The following FMNL2 variants were observed in gnomAD, a reference collection of about 807,000 sequenced individuals.
The protein encoded by FMNL2 is formin-like protein 2.
Under a neutral mutation model 130.2 loss-of-function variants are expected in FMNL2, and 51 were observed. The ratio of observed to expected loss-of-function variants is 0.39; its 90% confidence interval spans 0.31 to 0.49. The LOEUF (loss-of-function observed/expected upper bound fraction) is 0.49. Ranked by LOEUF, FMNL2 falls within the 20% of genes least tolerant of loss-of-function variation. The pLI is 0.85. For synonymous variants in FMNL2, 465 were observed against 467.1 expected (o/e 1.00, Z 0.06); for missense variants, 977 against 1,316.2 (o/e 0.74, Z 3.99).
At chr2:152,522,077 T>A (rs1196311091) in intron 2 of FMNL2, 51 bp downstream of exon 2, 1 of 1,456,222 alleles carries the variant, frequency 6.9e-7, no homozygotes, top group Non-Finnish European at 9.5e-7. Flanking sequence ...AAAGAAGAGA[T>A]CCAGTGTGAA....
intron 1 of FMNL2, among the ~76,000 whole-genome samples, chr2:152,498,740 C>G (rs968570641): frequency 2.6e-5 from 4 of 152,150 alleles, no homozygotes; most frequent in Non-Finnish European, 5.9e-5. Flanking sequence ...CTACCACCAC[C>G]CTTTTTCTTT....
intron 1 of FMNL2, among the ~76,000 whole-genome samples, chr2:152,397,790 A>G (rs958626655): frequency 2.0e-5 from 3 of 151,972 alleles, no homozygotes; most frequent in African/African-American, 7.3e-5. Flanking sequence ...TTTGTATGTC[A>G]TTCTTCTCTG....
chr2:152,488,428 A>C (rs1690959595), intron 1 of FMNL2, among the ~76,000 whole-genome samples: 1 of 152,262 alleles, frequency 6.6e-6, no homozygotes, highest in Non-Finnish European at 1.5e-5. Context: ...CAATACTTGC[A>C]CAATCAAAAG....
chr2:152,513,903 G>A (rs1038304306), intron 1 of FMNL2, among the ~76,000 whole-genome samples: 1 of 152,148 alleles, frequency 6.6e-6, no homozygotes. Context: ...TATTTGGCTG[G>A]CTGCCTGAGA....
chr2:152,526,322 G>C (rs1428990473), intron 2 of FMNL2, among the ~76,000 whole-genome samples: 1 of 152,194 alleles, frequency 6.6e-6, no homozygotes, highest in Non-Finnish European at 1.5e-5. Flanking sequence ...CATAGGAAGA[G>C]CAGAGACAGT....
intron 1 of FMNL2, among the ~76,000 whole-genome samples, chr2:152,395,893 G>C (rs562407692): frequency 1.3e-5 from 2 of 150,992 alleles, no homozygotes; most frequent in Non-Finnish European, 3.0e-5. Context: ...TGGTGGGGGT[G>C]GGTGGGCCAG....
At chr2:152,576,278 G>A (rs982358962) in intron 7 of FMNL2, among the ~76,000 whole-genome samples, 1 of 152,100 alleles carries the variant, frequency 6.6e-6, no homozygotes, top group South Asian at 2.1e-4. Flanking sequence ...GACGGCCCCT[G>A]TTCCACATAG....
intron 1 of FMNL2, among the ~76,000 whole-genome samples, chr2:152,454,783 G>A (rs751641974): frequency 6.6e-6 from 1 of 152,162 alleles, no homozygotes; most frequent in Non-Finnish European, 1.5e-5. Context: ...GAGAGTGTCT[G>A]TTCATGCCAT....
intron 1 of FMNL2, among the ~76,000 whole-genome samples, chr2:152,499,991 C>T (rs2105318786): frequency 6.6e-6 from 1 of 152,218 alleles, no homozygotes; most frequent in South Asian, 2.1e-4. Flanking sequence ...GGAAGTCTGT[C>T]TGCTTTCTCT....
At chr2:152,570,910 A>G (rs958677646) in intron 6 of FMNL2, among the ~76,000 whole-genome samples, 4 of 152,258 alleles carry the variant, frequency 2.6e-5, no homozygotes, top group African/African-American at 7.2e-5. Flanking sequence ...ACTGGCAAAA[A>G]TTACTGGAAT....
intron 1 of FMNL2, among the ~76,000 whole-genome samples, chr2:152,394,638 T>TA (rs1332693955): frequency 1.3e-5 from 2 of 151,578 alleles, no homozygotes; most frequent in African/African-American, 4.9e-5. Flanking sequence ...TTTTTTTTTT[T>TA]AATGAAGAAT....
At chr2:152,610,787 C>T (rs1037578805) in intron 10 of FMNL2, among the ~76,000 whole-genome samples, 2 of 152,196 alleles carry the variant, frequency 1.3e-5, no homozygotes, top group Admixed American at 1.3e-4. Context: ...ATTTTCATTT[C>T]TCTTAACTGT....
In FMNL2 at chr2:152,647,802, G is replaced by C. The variant is rs1354872729; in HGVS notation, c.3176G>C (p.Arg1059Thr). The C allele has an allele frequency of 1.2e-6, 2 of 1,613,914 alleles. No homozygotes were observed. Among genetic ancestry groups the C allele is most frequent in the Non-Finnish European group, 1.7e-6 (2 of 1,179,858 alleles). The part of the protein sequence containing the change: ...GAIEDIITDL[R>T]NQPYRRADAV... ...GGCACTCTCCCCTTTACAGATCTTA[G>C]AAACCAACCATACAGACGAGCCGAT... Residue 1059 changes from arginine to threonine, a missense_variant, in exon 26 of 26, where the codon AGA becomes ACA. Arg to Thr is a moderately conservative substitution (Grantham distance 71, BLOSUM62 -1). Around this residue, in one of 4 missense-constraint regions of FMNL2, gnomAD observed 168 missense variants for 168.8 expected, o/e 1.00. Coordinates refer to ENST00000288670, the MANE Select transcript of FMNL2 (RefSeq NM_052905.4).
chr2:152,405,335 G>A (rs1443511981), intron 1 of FMNL2, among the ~76,000 whole-genome samples: 1 of 152,122 alleles, frequency 6.6e-6, no homozygotes, highest in Non-Finnish European at 1.5e-5. Context: ...GTGCTCTCTA[G>A]GAAGCTGATG....
intron 2 of FMNL2, among the ~76,000 whole-genome samples, chr2:152,522,876 G>A (rs1293642250): frequency 2.6e-5 from 4 of 152,112 alleles, no homozygotes; most frequent in Admixed American, 1.3e-4. Context: ...GCTGTTATAT[G>A]ATGCTGTCAG....
chr2:152,624,148 C>T (rs1353320404), intron 15 of FMNL2, among the ~76,000 whole-genome samples: 3 of 140,700 alleles, frequency 2.1e-5, no homozygotes, highest in Non-Finnish European at 4.6e-5. Context: ...GGAGTTTCCT[C>T]CCTTCCTCCC....
At position 152,631,563 on chromosome 2, in the gene FMNL2, G is replaced by A. The variant is rs113463492; in HGVS notation, c.2551-445G>A. Among the ~76,000 whole-genome samples the A allele has an allele frequency of 2.2e-3, 331 of 152,248 alleles. 2 individuals carry two copies. Among genetic ancestry groups the A allele is most frequent in the Non-Finnish European group, 3.8e-3 (256 of 68,014 alleles). ...TGACAAAGGGGTGATTCTCGGTCTA[G>A]GGTGGATGGGAATGGCACGTGCGAG... On this transcript the variant is annotated intron_variant, in intron 20 of 25. Transcript: ENST00000288670.
chr2:152,451,435 A>T (rs1688644418), intron 1 of FMNL2, among the ~76,000 whole-genome samples: 1 of 152,100 alleles, frequency 6.6e-6, no homozygotes, highest in South Asian at 2.1e-4. Context: ...GGCATGAGCT[A>T]CTGCACCCTG....
At chr2:152,438,579 G>A (rs1462834530) in intron 1 of FMNL2, among the ~76,000 whole-genome samples, 3 of 152,084 alleles carry the variant, frequency 2.0e-5, no homozygotes, top group East Asian at 1.9e-4. Context: ...ATGTCAGCTC[G>A]GGTGTTTTGA....
Sources: gnomAD v4.1 joint callset for allele counts (sites outside exome capture counted in the v4.1 genomes callset) on GRCh38, gnomAD v4.1.1 for gene constraint, gnomAD v4.1.1 regional missense constraint, MANE v1.5 for transcripts, NCBI Gene and HGNC (gene_info 2026-07-23, HGNC 2026-07-21) for gene names.